The following PSMC6 variants were observed in gnomAD, a reference collection of about 807,000 sequenced individuals.
The protein encoded by PSMC6 is proteasome 26S subunit, ATPase 6.
Under a neutral mutation model 55.9 loss-of-function variants are expected in PSMC6, and 3 were observed. The observed-to-expected ratio is 0.05, with a 90% CI of 0.02 to 0.14. The LOEUF (loss-of-function observed/expected upper bound fraction) is 0.14. Ranked by LOEUF, PSMC6 falls within the 10% of genes least tolerant of loss-of-function variation. The probability of loss-of-function intolerance (pLI) is 1.00; values close to 1 mark genes in which losing one functional copy is unlikely to be tolerated. For synonymous variants in PSMC6, 137 were observed against 155.9 expected, an observed-to-expected ratio of 0.88 and a Z score of 0.90; for missense variants, 210 against 478.7, an observed-to-expected ratio of 0.44 and a Z score of 5.24.
chr14:52,718,023 T>C, intron 7 of PSMC6, 58 bp from the exon 8 acceptor site: 2 of 1,550,892 alleles, frequency 1.3e-6, no homozygotes, highest in Non-Finnish European at 1.8e-6. Flanking sequence ...ATTGCCTGTC[T>C]CAAAACAAAT....
At chr14:52,707,370 A>C in intron 1 of PSMC6, 66 bp downstream of exon 1, 1 of 1,597,242 alleles carries the variant, frequency 6.3e-7, no homozygotes, top group Non-Finnish European at 8.5e-7. Context: ...ACAAAGCAGA[A>C]GCCTTTCGCC....
In PSMC6 at chr14:52,720,356, A is replaced by C. The variant is rs1188742727; in HGVS notation, c.778-505A>C. 3.2e-5 allele frequency among the ~76,000 whole-genome samples: 4 copies of C among 126,116 alleles called. 1 individual carries two copies. Among genetic ancestry groups the C allele is most frequent in the African/African-American group, 1.2e-4 (4 of 32,528 alleles). The allele number at this position is 126,116 out of a possible 152,430, so 82.7% of individuals were successfully genotyped here. ...GTACTCCAGCCTGGGTGACAGAGTGAAACTCTGTCTCAAAAAAAAAAAAAA... is the reference window on the plus strand; with the variant it reads ...GTACTCCAGCCTGGGTGACAGAGTGCAACTCTGTCTCAAAAAAAAAAAAAA... On this transcript the variant is annotated intron_variant, in intron 10 of 13. Coordinates refer to ENST00000445930, the MANE Select transcript of PSMC6 (RefSeq NM_002806.5).
rs780284694 is a variant in PSMC6 at position 52,713,904 on chromosome 14, C to T, written c.465C>T (p.Asn155=). The T allele has an allele frequency of 6.3e-7, 1 of 1,597,142 alleles. No individual in the cohort carries two copies. Among genetic ancestry groups the T allele is most frequent in the Non-Finnish European group, 8.6e-7 (1 of 1,168,470 alleles). ...AGGTGATAGAATTACCTCTTACAAA[C>T]CCAGAGTTATTTCAGCGTGTAGGAA... ...LREVIELPLT[N]PELFQRVGII... is the part of the protein sequence containing the mutation. The change falls in exon 7 of 14, where the codon AAC becomes AAT. Residue 155 remains asparagine (N), a synonymous_variant. Transcript: ENST00000445930.
At chr14:52,725,691 T>C (rs571643628) in intron 13 of PSMC6, among the ~76,000 whole-genome samples, 18 of 152,224 alleles carry the variant, frequency 1.2e-4, no homozygotes, top group Non-Finnish European at 1.5e-4. Context: ...AATTTTTGTA[T>C]TTTTTGTAGA....
chr14:52,720,890 T>C lies in PSMC6; in HGVS notation c.807T>C (p.Thr269=), dbSNP rs1293612770. 8.7e-6 allele frequency: 14 copies of C among 1,607,226 alleles called. No homozygotes were observed. The highest frequency in any genetic ancestry group is 1.2e-5 in the Non-Finnish European group (14 of 1,174,354). ...TGAATCAAATGGATGGATTTGATAC[T>C]CTGCATAGAGTTAAAATGATCATGG... ...ELLNQMDGFD[T]LHRVKMIMAT... Residue 269 remains threonine, a synonymous_variant, in exon 11 of 14, where the codon ACT becomes ACC. Coordinates refer to ENST00000445930, the MANE Select transcript of PSMC6 (RefSeq NM_002806.5).
At chr14:52,722,291 G>T (rs576324665) in intron 12 of PSMC6, 86 of 152,268 alleles carry the variant, frequency 5.6e-4, no homozygotes, top group African/African-American at 2.0e-3. Flanking sequence ...TTCTACAGAG[G>T]GGGCAGAAGA....
At chr14:52,714,950 A>G (rs2041815108) in intron 7 of PSMC6, among the ~76,000 whole-genome samples, 1 of 151,918 alleles carries the variant, frequency 6.6e-6, no homozygotes, top group Non-Finnish European at 1.5e-5. Context: ...CCCCACAATG[A>G]CACAAAACAA....
chr14:52,711,962 T>C (rs1394494737), intron 6 of PSMC6, among the ~76,000 whole-genome samples: 1 of 152,228 alleles, frequency 6.6e-6, no homozygotes, highest in Admixed American at 6.5e-5. Flanking sequence ...TAAAGCTGTT[T>C]GCTGCCATTC....
At chr14:52,714,174 G>A (rs2041804990) in intron 7 of PSMC6, 1 of 409,732 alleles carries the variant, frequency 2.4e-6, no homozygotes, top group Non-Finnish European at 4.3e-6. Flanking sequence ...CCACGTAGCT[G>A]GGACTGCAGG....
intron 12 of PSMC6, 176 bp downstream of exon 12, chr14:52,721,366 G>GT: frequency 1.8e-6 from 1 of 541,456 alleles, no homozygotes. Flanking sequence ...TAAGTGTTTT[G>GT]TAAGGGCTGA....
intron 2 of PSMC6, 26 bp downstream of exon 2, chr14:52,708,414 G>C (rs1431850076): frequency 6.2e-7 from 1 of 1,611,930 alleles, no homozygotes; most frequent in East Asian, 2.2e-5. Context: ...TGGGGAATAG[G>C]GGGTGATGGT....
At chr14:52,714,029 AAAAG>A in intron 7 of PSMC6, 61 bp downstream of exon 7, 2 of 1,147,876 alleles carry the variant, frequency 1.7e-6, no homozygotes, top group Non-Finnish European at 2.5e-6. Flanking sequence ...ATTAAAAAAA[AAAAG>A]ACAATTTTTT....
intron 12 of PSMC6, chr14:52,721,472 A>G (rs1594853576): frequency 7.3e-6 from 2 of 273,684 alleles, no homozygotes; most frequent in South Asian, 7.2e-5. Flanking sequence ...ACAAAGTATA[A>G]TAGATGATGA....
At chr14:52,709,590 G>A (rs547366140) in intron 4 of PSMC6, 43 of 455,930 alleles carry the variant, frequency 9.4e-5, no homozygotes, top group Admixed American at 1.4e-4. Flanking sequence ...TGTGGATGCC[G>A]AAAGTTGGCA....
At chr14:52,709,416 A>G (rs909163730) in intron 4 of PSMC6, among the ~76,000 whole-genome samples, 5 of 152,206 alleles carry the variant, frequency 3.3e-5, no homozygotes, top group Non-Finnish European at 7.4e-5. Context: ...TTTCAGGTTC[A>G]GGTTTTAAAA....
rs748844496 is a variant in PSMC6, at chr14:52,721,102, A to G, written c.899-8A>G. ...AAACTGGACTATAAAATAATTTTTT[A>G]TTTTCAGATATTGATTTGCCAAATG... On this transcript the variant is annotated splice_polypyrimidine_tract_variant and splice_region_variant and intron_variant, in intron 11 of 13. Transcript: ENST00000445930. The G allele has an allele frequency of 1.3e-6, 2 of 1,586,578 alleles. No individual in the cohort carries two copies. The highest frequency in any genetic ancestry group is 1.2e-5 in the South Asian group (1 of 85,776).
intron 4 of PSMC6, among the ~76,000 whole-genome samples, chr14:52,709,327 T>A (rs551316007): frequency 1.3e-5 from 2 of 152,236 alleles, no homozygotes. Flanking sequence ...CTGAAATCAA[T>A]TTATGTATTA....
chr14:52,716,031 C>T (rs1276040312), intron 7 of PSMC6, among the ~76,000 whole-genome samples: 1 of 152,144 alleles, frequency 6.6e-6, no homozygotes, highest in African/African-American at 2.4e-5. Flanking sequence ...GGAAGATTTG[C>T]ATAACTCAAC....
chr14:52,707,210 G>C lies in PSMC6; in HGVS notation c.-10G>C. ...TTCCCGGCATCCCCTATGAGAGACG[G>C]CTTCTCATCATGGCGGACCCTAGAG... On this transcript the variant is annotated 5_prime_UTR_variant, in exon 1 of 14. Coordinates refer to ENST00000445930, the MANE Select transcript of PSMC6 (RefSeq NM_002806.5). 6.2e-7 allele frequency: 1 copy of C among 1,613,992 alleles called. No homozygotes were observed. Among genetic ancestry groups the C allele is most frequent in the Non-Finnish European group, 8.5e-7 (1 of 1,179,996 alleles).
Sources: gnomAD v4.1 joint callset for allele counts (sites outside exome capture counted in the v4.1 genomes callset) on GRCh38, gnomAD v4.1.1 for gene constraint, MANE v1.5 for transcripts, NCBI Gene and HGNC (gene_info 2026-07-23, HGNC 2026-07-21) for gene names.